Variants in ZNF343 observed in about 807,000 individuals in gnomAD.
ZNF343 encodes zinc finger protein 343.
A neutral mutation model predicts 13.8 loss-of-function variants in ZNF343; 11 were observed. The observed-to-expected ratio is 0.80, with a 90% CI of 0.50 to 1.32. ZNF343 has a LOEUF of 1.32. ZNF343 is among the 40% of genes most tolerant of loss of function. The pLI, the probability that ZNF343 is intolerant of heterozygous loss-of-function variation, is 0.00. For synonymous variants in ZNF343, 248 were observed against 260.0 expected (o/e 0.95, Z 0.44); for missense variants, 658 against 714.2 (o/e 0.92, Z 0.90).
chr20:2,499,420 C>A (rs113748307), intron 2 of ZNF343, among the ~76,000 whole-genome samples: 2 of 103,126 alleles, frequency 1.9e-5, no homozygotes, highest in African/African-American at 3.6e-5. Flanking sequence ...AGCCGAGATC[C>A]CGCCACTGCA....
intron 2 of ZNF343, among the ~76,000 whole-genome samples, chr20:2,498,223 G>A (rs1373972565): frequency 6.6e-6 from 1 of 152,200 alleles, no homozygotes; most frequent in African/African-American, 2.4e-5. Flanking sequence ...GGGCGTGGTG[G>A]CGCATGCCTA....
Position 2,499,028 on chromosome 20 carries a change from C to T in ZNF343, c.-150+1628G>A, listed in dbSNP as rs149023498. 2.6e-3 allele frequency among the ~76,000 whole-genome samples: 394 copies of T among 152,076 alleles called. 2 individuals carry two copies. Among genetic ancestry groups the T allele is most frequent in the African/African-American group, 9.1e-3 (379 of 41,522 alleles). ...ATAATTTTTCTATTTTTAGTAGAGACGGGGTTTTGTCATGTTGTCCAGGCT... is the reference window on the plus strand; with the variant it reads ...ATAATTTTTCTATTTTTAGTAGAGATGGGGTTTTGTCATGTTGTCCAGGCT... On this transcript the variant is annotated intron_variant, in intron 2 of 5. Coordinates refer to ENST00000278772, the MANE Select transcript of ZNF343 (RefSeq NM_024325.6).
At position 2,484,570 on chromosome 20, in the gene ZNF343, T is replaced by C. The variant is rs147664383; in HGVS notation, c.391A>G (p.Ile131Val). 25 of 1,614,038 alleles carry C rather than the reference T, an allele frequency of 1.5e-5. No homozygotes were observed. In the Admixed American group the frequency reaches 3.5e-4, roughly 23 times the overall value. Residue 131 changes from isoleucine to valine, a missense_variant, in exon 6 of 6, where the codon ATC (isoleucine) becomes GTC (valine). Coordinates refer to ENST00000278772, the MANE Select transcript of ZNF343 (RefSeq NM_024325.6). ...TTTTCTGCACATAAGCCCAGGAAGA[T>C]CTGAAGTACATGTTGACTGAGGAAC... ...QQFLSQHVLQIFLGLCAENHF... is the reference protein window; with the variant it reads ...QQFLSQHVLQVFLGLCAENHF...
At chr20:2,510,679 T>C (rs115280027), upstream of ZNF343, among the ~76,000 whole-genome samples, 2,047 of 152,310 alleles carry the variant, frequency 0.013, 35 homozygotes, top group African/African-American at 0.046. Flanking sequence ...GCAGAATCTG[T>C]TACTGAAACA....
intron 1 of ZNF343, among the ~76,000 whole-genome samples, chr20:2,502,055 A>AAAACCTTG (rs2085616179): frequency 6.6e-6 from 1 of 152,090 alleles, no homozygotes; most frequent in Admixed American, 6.6e-5. Context: ...AAAGAAGTTA[A>AAAACCTTG]AAACCTTGAA....
intron 1 of ZNF343, among the ~76,000 whole-genome samples, chr20:2,504,911 T>C (rs2085629846): frequency 6.6e-6 from 1 of 152,216 alleles, no homozygotes; most frequent in African/African-American, 2.4e-5. Flanking sequence ...ATGCCCTCTC[T>C]CACCACTCCT....
intron 2 of ZNF343, among the ~76,000 whole-genome samples, chr20:2,500,429 C>G (rs917554988): frequency 2.6e-5 from 4 of 152,184 alleles, no homozygotes; most frequent in Non-Finnish European, 5.9e-5. Context: ...TGAAATATGG[C>G]TGGGGCAAGG....
At chr20:2,492,356 CT>C (rs1223310005) in intron 5 of ZNF343, among the ~76,000 whole-genome samples, 2 of 152,176 alleles carry the variant, frequency 1.3e-5, no homozygotes, top group Non-Finnish European at 2.9e-5. Context: ...CACATTATGT[CT>C]TTAGACAAAT....
At chr20:2,499,588 T>A (rs916366170) in intron 2 of ZNF343, among the ~76,000 whole-genome samples, 6 of 150,786 alleles carry the variant, frequency 4.0e-5, no homozygotes, top group Non-Finnish European at 8.8e-5. Context: ...TGAACTAGAA[T>A]GTGGAGAAAA....
chr20:2,508,282 AC>A lies in ZNF343; in HGVS notation c.-237+598del, dbSNP rs1202294320. Among the ~76,000 whole-genome samples, 1 of 150,964 alleles carries A rather than the reference AC, an allele frequency of 6.6e-6. No individual in the cohort carries two copies. The highest frequency in any genetic ancestry group is 2.4e-5 in the African/African-American group (1 of 40,916). On this transcript the variant is annotated intron_variant, in intron 1 of 5. Coordinates refer to ENST00000278772, the MANE Select transcript of ZNF343 (RefSeq NM_024325.6). This position sits in a 1 kb window ranked among gnomAD's most constrained non-coding sequence, Gnocchi z 4.5. ...CACGTCAAGCTCACCTCCACTTCCA[AC>A]CCCCCAACCCCTAATAAACCAAGGT...
upstream of ZNF343, among the ~76,000 whole-genome samples, chr20:2,509,782 C>T (rs560085495): frequency 6.6e-6 from 1 of 152,288 alleles, no homozygotes; most frequent in African/African-American, 2.4e-5. Context: ...TCATAGGAGG[C>T]GCGTTTAAAT....
rs963200395 is a variant in ZNF343, at chr20:2,495,647, G to A, written c.-149-1603C>T. ...TCTGTAGCTAACAGTTATAAAGCAA[G>A]ATCTGTACTAAGTGCAGACTTTTTT... On this transcript the variant is annotated intron_variant, in intron 2 of 5. Coordinates refer to ENST00000278772, the MANE Select transcript of ZNF343 (RefSeq NM_024325.6). 2.0e-5 allele frequency: 3 copies of A among 151,702 alleles called. No homozygotes were observed. In the East Asian group the frequency reaches 5.8e-4, roughly 29 times the overall value. The allele number at this position is 151,702 out of a possible 1,614,324, so 9.4% of individuals were successfully genotyped here. A position where few individuals can be genotyped will look rare whatever the true frequency, so the allele number is the denominator to read the frequency against.
intron 4 of ZNF343, 54 bp from the exon 5 acceptor site, chr20:2,492,879 G>C: frequency 6.2e-7 from 1 of 1,604,182 alleles, no homozygotes; most frequent in Non-Finnish European, 8.5e-7. Flanking sequence ...TCTTCCCTGT[G>C]TGTGGAGCAC....
At chr20:2,514,639 A>G (rs1455529057) in intron 1 of ZNF343, among the ~76,000 whole-genome samples, 2 of 152,202 alleles carry the variant, frequency 1.3e-5, no homozygotes, top group African/African-American at 4.8e-5. Context: ...TATTATATAT[A>G]TCTTTTAAAA....
At position 2,484,267 on chromosome 20, in the gene ZNF343, C is replaced by T; in HGVS notation, c.694G>A (p.Glu232Lys). The T allele has an allele frequency of 6.2e-7, 1 of 1,614,214 alleles. No individual in the cohort carries two copies. Among genetic ancestry groups the T allele is most frequent in the Non-Finnish European group, 8.5e-7 (1 of 1,180,044 alleles). Residue 232 changes from glutamate (E) to lysine (K), a missense_variant, in exon 6 of 6, where the codon GAA becomes AAA. Physicochemically the swap from Glu to Lys is moderately conservative, Grantham distance 56. Coordinates refer to ENST00000278772, the MANE Select transcript of ZNF343 (RefSeq NM_024325.6). ...GCTCCAAATCTCAAGGTTTCTAATT[C>T]CTTCAAGCCTTTGTCTAGCTGCACA... ...NPVQLDKGLK[E>K]LETLRFGAIN... is the part of the protein sequence containing the mutation.
At chr20:2,491,802 T>C (rs1057191159) in intron 5 of ZNF343, 1 of 152,210 alleles carries the variant, frequency 6.6e-6, no homozygotes, top group African/African-American at 2.4e-5. Flanking sequence ...ACCCCTGATC[T>C]AGAGTTATGT....
In ZNF343 at chr20:2,484,070, A is replaced by G; in HGVS notation, c.891T>C (p.Tyr297=). 6.2e-7 allele frequency: 1 copy of G among 1,614,244 alleles called. No homozygotes were observed. Among genetic ancestry groups the G allele is most frequent in the Non-Finnish European group, 8.5e-7 (1 of 1,180,034 alleles). ...HHRIHSMEKP[Y]VCSECGRGFS... is the part of the protein sequence containing the mutation. The stretch of plus-strand genomic sequence containing the variant: ...AACCTCGCCCGCACTCACTGCACAC[A>G]TAAGGCTTCTCCATCGAGTGTATAC... The change falls in exon 6 of 6, where the codon TAT becomes TAC. Residue 297 remains tyrosine (Y), a synonymous_variant. Coordinates refer to ENST00000278772, the MANE Select transcript of ZNF343 (RefSeq NM_024325.6).
chr20:2,514,550 C>A (rs1394892179), intron 1 of ZNF343, among the ~76,000 whole-genome samples: 1 of 152,130 alleles, frequency 6.6e-6, no homozygotes, highest in Admixed American at 6.5e-5. Flanking sequence ...CTCAAAGAAC[C>A]TTCTCGTTGC....
At position 2,482,289 on chromosome 20, in the gene ZNF343, C is replaced by T. The variant is rs1176903272; in HGVS notation, c.*872G>A. The T allele has an allele frequency of 1.3e-5, 2 of 152,236 alleles. No homozygotes were observed. Among genetic ancestry groups the T allele is most frequent in the South Asian group, 2.1e-4 (1 of 4,832 alleles). 9.4% of individuals were successfully genotyped at this position (152,236 alleles called of 1,614,324 possible). ...TGACTCATGGCTGAAGCCTTATCTA[C>T]ACTCCTTATATACCTAACATGTCTT... On this transcript the variant is annotated 3_prime_UTR_variant, in exon 6 of 6. Coordinates refer to ENST00000278772, the MANE Select transcript of ZNF343 (RefSeq NM_024325.6).
Sources: gnomAD v4.1 joint callset for allele counts (sites outside exome capture counted in the v4.1 genomes callset) on GRCh38, gnomAD v4.1.1 for gene constraint, Gnocchi (gnomAD v3.1) non-coding constraint, MANE v1.5 for transcripts, NCBI Gene and HGNC (gene_info 2026-07-23, HGNC 2026-07-21) for gene names.